Variants in PKHD1 observed in about 807,000 individuals in gnomAD.
PKHD1 encodes the protein fibrocystin.
Under a neutral mutation model 412.0 loss-of-function variants are expected in PKHD1, and 291 were observed. The observed-to-expected ratio is 0.71, with a 90% CI of 0.64 to 0.78. The LOEUF (loss-of-function observed/expected upper bound fraction) is 0.78. Among genes scored for constraint, PKHD1 ranks in the 30% least tolerant of loss-of-function variants. The pLI is 0.00. For synonymous variants in PKHD1, 1,777 were observed against 1,821.5 expected, an observed-to-expected ratio of 0.98 and a Z score of 0.62; for missense variants, 4,825 against 4,950.7, an observed-to-expected ratio of 0.97 and a Z score of 0.76.
intron 27 of PKHD1, among the ~76,000 whole-genome samples, chr6:52,041,424 T>G (rs956062214): frequency 3.5e-4 from 53 of 152,254 alleles, no homozygotes; most frequent in Admixed American, 3.0e-3. Flanking sequence ...GACCACACTT[T>G]AAGGACCAAG....
chr6:51,913,185 A>G (rs1232302267), intron 37 of PKHD1, among the ~76,000 whole-genome samples: 1 of 152,096 alleles, frequency 6.6e-6, no homozygotes, highest in Non-Finnish European at 1.5e-5. Context: ...CTAATTTCCA[A>G]TATGAAGACT....
intron 27 of PKHD1, among the ~76,000 whole-genome samples, chr6:52,036,316 G>A (rs1206884086): frequency 6.6e-6 from 1 of 152,202 alleles, no homozygotes; most frequent in Non-Finnish European, 1.5e-5. Flanking sequence ...ACTGCCCATC[G>A]CCATCAGAAT....
intron 37 of PKHD1, among the ~76,000 whole-genome samples, chr6:51,924,919 GTACAT>G (rs1370045337): frequency 2.6e-5 from 4 of 152,226 alleles, no homozygotes; most frequent in Non-Finnish European, 4.4e-5. Context: ...ATTGTGGTAA[GTACAT>G]TACATGTTTT....
Position 52,025,217 on chromosome 6 carries a change from A to T in PKHD1, c.4593T>A (p.Phe1531Leu), listed in dbSNP as rs777574337. The T allele has an allele frequency of 2.4e-5, 39 of 1,614,032 alleles. No individual in the cohort carries two copies. The highest frequency in any genetic ancestry group is 8.8e-5 in the South Asian group (8 of 91,086). ...DDQLPCNVTF[F>L]NASHVVCQTR... The stretch of plus-strand genomic sequence containing the variant: ...TCTGGCACACAACGTGGCTTGCATT[A>T]AAAAAAGTTACATTGCAAGGAAGTT... Residue 1531 changes from phenylalanine (F) to leucine (L), a missense_variant, in exon 32 of 67, where the codon TTT becomes TTA. By Grantham distance (22) the Phe-to-Leu change is conservative (BLOSUM62 0). Transcript: ENST00000371117.
At chr6:51,745,919 G>T (rs546920198) in intron 59 of PKHD1, among the ~76,000 whole-genome samples, 4 of 152,172 alleles carry the variant, frequency 2.6e-5, no homozygotes, top group African/African-American at 9.6e-5. Context: ...TCATGATTCA[G>T]GGATAGGCAT....
chr6:51,928,791 C>A (rs1254958410), intron 37 of PKHD1, among the ~76,000 whole-genome samples: 2 of 152,048 alleles, frequency 1.3e-5, no homozygotes, highest in Non-Finnish European at 2.9e-5. Context: ...GCAGAGACAG[C>A]CAGGGTAAGG....
intron 52 of PKHD1, among the ~76,000 whole-genome samples, chr6:51,824,739 G>T (rs903457115): frequency 6.6e-6 from 1 of 152,118 alleles, no homozygotes; most frequent in Non-Finnish European, 1.5e-5. Flanking sequence ...GAAAATGCTC[G>T]AAATATGTTT....
At chr6:52,077,659 G>A (rs1207948893) in intron 5 of PKHD1, among the ~76,000 whole-genome samples, 3 of 152,194 alleles carry the variant, frequency 2.0e-5, no homozygotes, top group Non-Finnish European at 2.9e-5. Flanking sequence ...TAGGTTTTAA[G>A]TATTGATCCA....
At chr6:52,079,257 A>G (rs2128239653) in intron 5 of PKHD1, among the ~76,000 whole-genome samples, 1 of 152,326 alleles carries the variant, frequency 6.6e-6, no homozygotes, top group South Asian at 2.1e-4. Flanking sequence ...TAAGTCAGGC[A>G]TGGCTTCCTA....
Position 52,053,182 on chromosome 6 carries a change from C to G in PKHD1, c.2034G>C (p.Pro678=), listed in dbSNP as rs769144028. The part of the protein sequence containing the change: ...VRCFGDLQPP[P]ANSPVLVHQI... ...GATGAACCAGCACTGGGGAGTTTGC[C>G]GGAGGGGGCTGGAGATCCCCGAAGC... The change falls in exon 21 of 67, where the codon CCG becomes CCC. Residue 678 remains proline (P), a synonymous_variant. Transcript: ENST00000371117. The G allele has an allele frequency of 6.2e-7, 1 of 1,614,024 alleles. No homozygotes were observed. Among genetic ancestry groups the G allele is most frequent in the Admixed American group, 1.7e-5 (1 of 60,006 alleles).
intron 43 of PKHD1, 43 bp from the exon 44 acceptor site, chr6:51,887,288 T>C: frequency 1.6e-6 from 2 of 1,221,304 alleles, no homozygotes; most frequent in Non-Finnish European, 2.4e-6. Context: ...ACCCCATGTA[T>C]GATAAGGTTG....
chr6:51,947,388 T>G (rs1406926391), intron 36 of PKHD1, among the ~76,000 whole-genome samples: 1 of 152,234 alleles, frequency 6.6e-6, no homozygotes, highest in Non-Finnish European at 1.5e-5. Context: ...GAAAACCTCA[T>G]AAAATGCAAA....
intron 36 of PKHD1, among the ~76,000 whole-genome samples, chr6:51,941,510 CT>C (rs1788563363): frequency 1.3e-5 from 2 of 150,988 alleles, no homozygotes; most frequent in South Asian, 4.2e-4. Flanking sequence ...CCGCCTCGGC[CT>C]CCCAAAGTGC....
chr6:52,077,964 G>GT (rs1011934014), intron 5 of PKHD1, among the ~76,000 whole-genome samples: 2 of 151,740 alleles, frequency 1.3e-5, no homozygotes, highest in African/African-American at 4.8e-5. Flanking sequence ...TACAGTAGTG[G>GT]TTATTGACCT....
intron 43 of PKHD1, among the ~76,000 whole-genome samples, chr6:51,899,769 C>T (rs1780909562): frequency 6.6e-6 from 1 of 152,208 alleles, no homozygotes; most frequent in Non-Finnish European, 1.5e-5. Context: ...TGGAAAGCCC[C>T]ATTGTCTCAG....
At chr6:51,844,747 C>T (rs949766160) in intron 50 of PKHD1, among the ~76,000 whole-genome samples, 2 of 152,076 alleles carry the variant, frequency 1.3e-5, no homozygotes, top group African/African-American at 4.8e-5. Context: ...AGTGGTCAAC[C>T]AGTGAATGAA....
chr6:51,922,629 TACTCAAG>T (rs1161061469), intron 37 of PKHD1, among the ~76,000 whole-genome samples: 2 of 152,204 alleles, frequency 1.3e-5, no homozygotes, highest in Non-Finnish European at 2.9e-5. Context: ...TTTGTTTACC[TACTCAAG>T]CCTCAGCAAT....
rs1782638433 is a variant in PKHD1 at position 51,909,448 on chromosome 6, T to C, written c.6517A>G (p.Met2173Val). ...CTGGATCCTAGCATCTTCTCACTCATGGAATACAAACAGTGCTGCAGATTA... is the reference window on the plus strand; with the variant it reads ...CTGGATCCTAGCATCTTCTCACTCACGGAATACAAACAGTGCTGCAGATTA... ...EGNLQHCLYS[M>V]SEKMLGSRDM... is the part of the protein sequence containing the mutation. Residue 2173 changes from methionine to valine, a missense_variant, in exon 40 of 67, where the codon ATG becomes GTG. Met to Val is a conservative substitution (Grantham distance 21). Coordinates refer to ENST00000371117, the MANE Select transcript of PKHD1 (RefSeq NM_138694.4). The C allele has an allele frequency of 1.9e-6, 3 of 1,613,234 alleles. No homozygotes were observed. The highest frequency in any genetic ancestry group is 2.5e-6 in the Non-Finnish European group (3 of 1,179,502).
At chr6:52,001,253 T>A (rs1798349153) in intron 35 of PKHD1, among the ~76,000 whole-genome samples, 1 of 152,154 alleles carries the variant, frequency 6.6e-6, no homozygotes, top group South Asian at 2.1e-4. Context: ...TGCATTATAA[T>A]GTTTACATTG....
Sources: gnomAD v4.1 joint callset for allele counts (sites outside exome capture counted in the v4.1 genomes callset) on GRCh38, gnomAD v4.1.1 for gene constraint, MANE v1.5 for transcripts, NCBI Gene and HGNC (gene_info 2026-07-23, HGNC 2026-07-21) for gene names.